Variants in SLC1A6 observed in about 807,000 individuals in gnomAD.
SLC1A6 encodes the protein solute carrier family 1 member 6, also known as excitatory amino acid transporter 4.
SLC1A6 carries 15 observed loss-of-function variants against 42.1 expected under a neutral mutation model. That is an observed-to-expected ratio of 0.36 (90% CI 0.24 to 0.55). The LOEUF (loss-of-function observed/expected upper bound fraction) is 0.55. SLC1A6 is among the 20% of genes least tolerant of loss of function. The probability of loss-of-function intolerance (pLI) is 0.88; values close to 1 mark genes in which losing one functional copy is unlikely to be tolerated. For missense variants in SLC1A6, 542 were observed against 772.5 expected, an observed-to-expected ratio of 0.70 and a Z score of 3.54; for synonymous variants, 317 against 319.7, an observed-to-expected ratio of 0.99 and a Z score of 0.09.
chr19:14,991,203 C>A (rs557040738), intron 1 of SLC1A6, among the ~76,000 whole-genome samples: 1 of 152,200 alleles, frequency 6.6e-6, no homozygotes, highest in Admixed American at 6.6e-5. Flanking sequence ...TTCGTGGTTG[C>A]CAGGGGCTGC....
chr19:14,975,190 A>G (rs2145210341), intron 1 of SLC1A6: 1 of 64,880 alleles, frequency 1.5e-5, no homozygotes, highest in East Asian at 4.5e-4. Context: ...ACAGATACAA[A>G]ACTACAGCTA....
chr19:14,964,198 A>T lies in SLC1A6; in HGVS notation c.591+121T>A, dbSNP rs188012960. The T allele has an allele frequency of 1.4e-4, 110 of 790,706 alleles. No homozygotes were observed. The East Asian group carries it at 2.7e-3, about 19-fold the overall frequency. 49.0% of individuals were successfully genotyped at this position (790,706 alleles called of 1,614,324 possible). A position where few individuals can be genotyped will look rare whatever the true frequency, so the allele number is the denominator to read the frequency against. On this transcript the variant is annotated intron_variant, in intron 5 of 9. Transcript: ENST00000594383. ...ATCCTTTCTCCTAGACTCCTCAAGA[A>T]CCCCTGCCCATTGCTCTGTCAGGCC...
intron 1 of SLC1A6, among the ~76,000 whole-genome samples, chr19:14,990,794 A>C (rs75980288): frequency 2.6e-5 from 4 of 151,554 alleles, no homozygotes; most frequent in East Asian, 1.9e-4. Context: ...AACAAAAAAA[A>C]AAAAAAACGA....
At position 14,972,833 on chromosome 19, in the gene SLC1A6, C is replaced by T. The variant is rs188484412; in HGVS notation, c.78G>A (p.Leu26=). The change falls in exon 2 of 10, where the codon CTG becomes CTA. Residue 26 remains leucine (L), a synonymous_variant. Coordinates refer to ENST00000594383, the MANE Select transcript of SLC1A6 (RefSeq NM_005071.3). The part of the protein sequence containing the change: ...RLGRVGWLQR[L]QESLQQRALR... The stretch of plus-strand genomic sequence containing the variant: ...GTGCTCTCTGCTGCAGGCTTTCCTG[C>T]AGCCGCTGCAGCCAGCCCACCCGGC... 859 of 1,604,290 alleles carry T rather than the reference C, an allele frequency of 5.4e-4. 5 individuals carry two copies. In the African/African-American group the frequency reaches 0.01, roughly 20 times the overall value.
At chr19:14,990,786 C>CAAAAAAAAAA (rs60926365) in intron 1 of SLC1A6, among the ~76,000 whole-genome samples, 1 of 124,782 alleles carries the variant, frequency 8.0e-6, no homozygotes. Flanking sequence ...CAAAACAAAA[C>CAAAAAAAAAA]AAAAAAAAAA....
intron 1 of SLC1A6, among the ~76,000 whole-genome samples, chr19:15,010,296 A>G (rs977480037): frequency 8.5e-5 from 13 of 152,202 alleles, no homozygotes; most frequent in African/African-American, 3.1e-4. Context: ...CCAAGAACCC[A>G]GCCAGCAAAA....
chr19:14,995,477 TTAGA>T (rs1225696279), intron 1 of SLC1A6, among the ~76,000 whole-genome samples: 2 of 151,972 alleles, frequency 1.3e-5, no homozygotes, highest in East Asian at 3.9e-4. Context: ...CAAATTTCAG[TTAGA>T]TAGGAGAAAA....
intron 5 of SLC1A6, among the ~76,000 whole-genome samples, chr19:14,962,584 A>G (rs2045526997): frequency 1.3e-5 from 2 of 152,132 alleles, no homozygotes; most frequent in South Asian, 4.1e-4. Context: ...CATTATGAAA[A>G]ATCATATGGA....
At chr19:14,956,816 A>G in intron 6 of SLC1A6, 107 bp from the exon 7 acceptor site, 1 of 680,750 alleles carries the variant, frequency 1.5e-6, no homozygotes, top group Non-Finnish European at 2.5e-6. Flanking sequence ...GGAGCCACAC[A>G]ATACCCATGA....
intron 1 of SLC1A6, among the ~76,000 whole-genome samples, chr19:14,999,588 T>A (rs1302293213): frequency 2.0e-5 from 3 of 152,250 alleles, no homozygotes; most frequent in Non-Finnish European, 4.4e-5. Flanking sequence ...TCATCTGAGA[T>A]ACTTCTTGGT....
intron 1 of SLC1A6, among the ~76,000 whole-genome samples, chr19:15,007,022 G>A (rs1197796736): frequency 2.0e-5 from 3 of 152,114 alleles, no homozygotes; most frequent in African/African-American, 4.8e-5. Context: ...TAATAAGTAC[G>A]TATTGAGTGC....
intron 1 of SLC1A6, among the ~76,000 whole-genome samples, chr19:14,996,335 C>G (rs1354334300): frequency 6.6e-6 from 1 of 152,144 alleles, no homozygotes; most frequent in African/African-American, 2.4e-5. Flanking sequence ...GTTTGATGGG[C>G]ACTGAGTTTC....
intron 9 of SLC1A6, among the ~76,000 whole-genome samples, chr19:14,952,356 G>A (rs1483010662): frequency 6.6e-6 from 1 of 151,374 alleles, no homozygotes; most frequent in Non-Finnish European, 1.5e-5. Context: ...AGACCATCCT[G>A]GCTAACATGG....
chr19:15,003,720 C>G (rs1452879007), intron 1 of SLC1A6, among the ~76,000 whole-genome samples: 2 of 151,770 alleles, frequency 1.3e-5, no homozygotes, highest in Admixed American at 1.3e-4. Context: ...GAAGGTGCTC[C>G]TTCTTCATCC....
At chr19:14,964,020 AG>A (rs1251791008) in intron 5 of SLC1A6, 4 of 226,136 alleles carry the variant, frequency 1.8e-5, no homozygotes, top group Non-Finnish European at 2.5e-5. Context: ...AAAGACAGAG[AG>A]TCTCATTCTG....
intron 1 of SLC1A6, among the ~76,000 whole-genome samples, chr19:15,002,937 C>A (rs1184126619): frequency 7.4e-6 from 1 of 134,794 alleles, no homozygotes; most frequent in African/African-American, 2.7e-5. Context: ...TTGTGTTTTT[C>A]ATTTTTGTCT....
chr19:14,988,299 G>C (rs2045802643), intron 1 of SLC1A6, among the ~76,000 whole-genome samples: 1 of 152,112 alleles, frequency 6.6e-6, no homozygotes, highest in African/African-American at 2.4e-5. Context: ...GTGTTTTATG[G>C]TCTGCTCTTT....
chr19:14,989,128 G>A (rs2045806424), intron 1 of SLC1A6, among the ~76,000 whole-genome samples: 1 of 152,172 alleles, frequency 6.6e-6, no homozygotes, highest in African/African-American at 2.4e-5. Context: ...TGGGAGGGTC[G>A]GGGGCTGAGG....
intron 4 of SLC1A6, among the ~76,000 whole-genome samples, chr19:14,965,524 T>C (rs2145188527): frequency 6.6e-6 from 1 of 152,236 alleles, no homozygotes; most frequent in African/African-American, 2.4e-5. Context: ...ACATGATATA[T>C]GTACACCATG....
Sources: allele counts gnomAD v4.1 joint callset (sites outside exome capture counted in the v4.1 genomes callset), GRCh38; gene constraint gnomAD v4.1.1; transcripts MANE v1.5; gene names NCBI Gene and HGNC (gene_info 2026-07-23, HGNC 2026-07-21).